The following TMC1 variants were observed in gnomAD, a reference collection of about 807,000 sequenced individuals.
TMC1 encodes transmembrane channel like 1, also known as transmembrane channel-like protein 1.
TMC1 carries 84 observed loss-of-function variants against 105.8 expected under a neutral mutation model. The ratio of observed to expected loss-of-function variants is 0.79; its 90% CI spans 0.67 to 0.95. The LOEUF (loss-of-function observed/expected upper bound fraction) is 0.95. TMC1 is among the 40% of genes least tolerant of loss of function. TMC1 has a pLI of 0.00. For missense variants in TMC1, 817 were observed against 914.1 expected, an observed-to-expected ratio of 0.89 and a Z score of 1.37; for synonymous variants, 315 against 311.5, an observed-to-expected ratio of 1.01 and a Z score of -0.12.
intron 5 of TMC1, among the ~76,000 whole-genome samples, chr9:72,686,376 G>C (rs1179459985): frequency 2.6e-5 from 4 of 152,044 alleles, no homozygotes; most frequent in African/African-American, 9.6e-5. Flanking sequence ...GAAAGGAAAG[G>C]GTTTGTAGCT....
chr9:72,788,593 A>C (rs1828209476), intron 14 of TMC1, 110 bp downstream of exon 14: 1 of 1,210,200 alleles, frequency 8.3e-7, no homozygotes, highest in Non-Finnish European at 1.2e-6. Flanking sequence ...TGAAAGATTA[A>C]CTCATGGTTT....
intron 9 of TMC1, 104 bp from the exon 10 acceptor site, chr9:72,742,340 A>C: frequency 1.1e-6 from 1 of 879,446 alleles, no homozygotes; most frequent in Non-Finnish European, 1.9e-6. Context: ...GCTGCCAGAG[A>C]GACATTTCCA....
rs936917444 is a variant in TMC1 at position 72,547,366 on chromosome 9, A to G, written c.-428+25453A>G. ...CTCAACCCCCCTAAAAAAAAATCATACATGAAGAAACATTTCCAAAACAGT... is the reference window on the plus strand; with the variant it reads ...CTCAACCCCCCTAAAAAAAAATCATGCATGAAGAAACATTTCCAAAACAGT... On this transcript the variant is annotated intron_variant, in intron 1 of 23. Transcript: ENST00000297784. 2.0e-5 allele frequency among the ~76,000 whole-genome samples: 3 copies of G among 152,208 alleles called. No individual in the cohort carries two copies. The East Asian group carries it at 5.8e-4, about 29-fold the overall frequency.
intron 12 of TMC1, among the ~76,000 whole-genome samples, chr9:72,760,310 AAGTATACAACCC>A (rs1450195587): frequency 2.6e-5 from 4 of 152,170 alleles, no homozygotes; most frequent in East Asian, 1.9e-4. Flanking sequence ...CAGATGATCT[AAGTATACAACCC>A]AGTATACAAC....
intron 8 of TMC1, among the ~76,000 whole-genome samples, chr9:72,716,562 T>C (rs1826923679): frequency 6.6e-6 from 1 of 152,140 alleles, no homozygotes; most frequent in Admixed American, 6.5e-5. Context: ...GTGTACACTG[T>C]GAGGGTAAAA....
chr9:72,826,825 A>C lies in TMC1; in HGVS notation c.2004-44A>C, dbSNP rs111781117. Reference sequence around the variant, plus strand: ...TTCTTGCTTTAACCATGGTTTTTCCATATGTTCTTAATAAACTTATCTCCC... The same window carrying C: ...TTCTTGCTTTAACCATGGTTTTTCCCTATGTTCTTAATAAACTTATCTCCC... On this transcript the variant is annotated intron_variant, in intron 20 of 23. Transcript: ENST00000297784. The C allele has an allele frequency of 5.3e-4, 853 of 1,607,780 alleles. 3 individuals carry two copies. In the African/African-American group the frequency reaches 9.4e-3, roughly 18 times the overall value.
At chr9:72,535,052 GA>G (rs1007727316) in intron 1 of TMC1, among the ~76,000 whole-genome samples, 187 of 113,842 alleles carry the variant, frequency 1.6e-3, no homozygotes, top group African/African-American at 4.9e-3. Context: ...CTTAGAGAGA[GA>G]GAAAAAAAAA....
At chr9:72,773,569 A>G (rs563879735) in intron 13 of TMC1, among the ~76,000 whole-genome samples, 1 of 152,292 alleles carries the variant, frequency 6.6e-6, no homozygotes, top group East Asian at 1.9e-4. Context: ...CTAAAGTGTA[A>G]TCAGAGACCT....
At chr9:72,831,758 G>A (rs933298952) in intron 23 of TMC1, among the ~76,000 whole-genome samples, 18 of 151,998 alleles carry the variant, frequency 1.2e-4, no homozygotes, top group Non-Finnish European at 2.2e-4. Context: ...CCCTACAAAG[G>A]ACATGAACTC....
At chr9:72,557,023 C>G (rs559611436) in intron 1 of TMC1, among the ~76,000 whole-genome samples, 1 of 152,204 alleles carries the variant, frequency 6.6e-6, no homozygotes, top group East Asian at 1.9e-4. Flanking sequence ...CCCCTGACAG[C>G]ATTAAACAGT....
intron 2 of TMC1, among the ~76,000 whole-genome samples, chr9:72,590,676 G>A (rs1198111117): frequency 6.6e-6 from 1 of 152,192 alleles, no homozygotes; most frequent in Non-Finnish European, 1.5e-5. Context: ...AGATGGACAT[G>A]AATCCAAGAG....
At chr9:72,790,385 A>C (rs1284638993) in intron 15 of TMC1, among the ~76,000 whole-genome samples, 1 of 152,196 alleles carries the variant, frequency 6.6e-6, no homozygotes, top group Admixed American at 6.5e-5. Flanking sequence ...ACTTTAATAT[A>C]CAGTCATGTC....
At chr9:72,793,559 G>A (rs1285281898) in intron 17 of TMC1, among the ~76,000 whole-genome samples, 1 of 152,158 alleles carries the variant, frequency 6.6e-6, no homozygotes, top group South Asian at 2.1e-4. Flanking sequence ...TCCTCACTGG[G>A]TAGGACCTCC....
intron 4 of TMC1, among the ~76,000 whole-genome samples, chr9:72,632,405 T>C (rs1208758084): frequency 2.6e-5 from 4 of 151,918 alleles, no homozygotes; most frequent in Admixed American, 2.6e-4. Context: ...ATCCAAACCA[T>C]ATCACCCACA....
At chr9:72,580,453 G>A (rs1824456251) in intron 2 of TMC1, among the ~76,000 whole-genome samples, 1 of 152,104 alleles carries the variant, frequency 6.6e-6, no homozygotes, top group South Asian at 2.1e-4. Context: ...CTGGCTTTGG[G>A]TTTTGCACTG....
At chr9:72,604,320 G>C (rs13295562) in intron 2 of TMC1, among the ~76,000 whole-genome samples, 85,889 of 151,986 alleles carry the variant, frequency 0.57, 25,475 homozygotes, top group African/African-American at 0.76. Flanking sequence ...CATGTTAAAA[G>C]AAATCACAAA....
rs547348266 is a variant in TMC1, at chr9:72,741,513, C to T, written c.454-931C>T. On this transcript the variant is annotated intron_variant, in intron 9 of 23. Coordinates refer to ENST00000297784, the MANE Select transcript of TMC1 (RefSeq NM_138691.3). ...CAGTCTTTGCTGATCAGTAGAAATT[C>T]CTGTCTTATCCTAGATCTTGGACTT... 2.5e-4 allele frequency: 52 copies of T among 204,888 alleles called. 2 individuals are homozygous for T. In the South Asian group the frequency reaches 5.1e-3, roughly 20 times the overall value. The allele number at this position is 204,888 out of a possible 1,614,324, so 12.7% of individuals were successfully genotyped here.
At chr9:72,768,796 T>C (rs907617491) in intron 12 of TMC1, among the ~76,000 whole-genome samples, 98 of 152,240 alleles carry the variant, frequency 6.4e-4, no homozygotes, top group Non-Finnish European at 1.3e-3. Context: ...CTATATCTGC[T>C]TTCTCCTTTT....
chr9:72,601,371 C>T lies in TMC1; in HGVS notation c.-305-14997C>T, dbSNP rs150791547. Among the ~76,000 whole-genome samples, 252 of 151,626 alleles carry T rather than the reference C, an allele frequency of 1.7e-3. 1 individual carries two copies. The highest frequency in any genetic ancestry group is 5.6e-3 in the African/African-American group (231 of 41,298). ...AAATATTTGAAAAATTGGCCAGGTG[C>T]GGTGGCTCATGCCTATAGTCCCAGC... On this transcript the variant is annotated intron_variant, in intron 2 of 23. Transcript: ENST00000297784.
Sources: allele counts gnomAD v4.1 joint callset (sites outside exome capture counted in the v4.1 genomes callset), GRCh38; gene constraint gnomAD v4.1.1; transcripts MANE v1.5; gene names NCBI Gene and HGNC (gene_info 2026-07-23, HGNC 2026-07-21).